Variants in CFAP57 observed in about 807,000 individuals in gnomAD.
The protein encoded by CFAP57 is cilia- and flagella-associated protein 57.
Under a neutral mutation model 146.8 loss-of-function variants are expected in CFAP57, and 116 were observed. That is an observed-to-expected ratio of 0.79 (90% CI 0.68 to 0.92). The LOEUF (loss-of-function observed/expected upper bound fraction) is 0.92, where lower values mean the gene tolerates loss of function less well. Among genes scored for constraint, CFAP57 ranks in the 40% least tolerant of loss-of-function variants. CFAP57 has a pLI of 0.00. For missense variants in CFAP57, 1,377 were observed against 1,527.2 expected, an observed-to-expected ratio of 0.90 and a Z score of 1.64; for synonymous variants, 518 against 552.8, an observed-to-expected ratio of 0.94 and a Z score of 0.88.
chr1:43,195,570 T>C (rs984993030), intron 6 of CFAP57, among the ~76,000 whole-genome samples: 1 of 150,486 alleles, frequency 6.6e-6, no homozygotes, highest in Non-Finnish European at 1.5e-5. Context: ...TTCACCATAG[T>C]GTTTGTAGCA....
chr1:43,197,149 C>A (rs1283171268), intron 6 of CFAP57, among the ~76,000 whole-genome samples: 1 of 151,824 alleles, frequency 6.6e-6, no homozygotes, highest in Admixed American at 6.6e-5. Flanking sequence ...GTCAGGAGAT[C>A]GAGACCATCC....
In CFAP57 at chr1:43,198,648, TAA is replaced by T. The variant is rs10711519; in HGVS notation, c.1428+11_1428+12del. 4 of 1,525,112 alleles carry T rather than the reference TAA, an allele frequency of 2.6e-6. No homozygotes were observed. Among genetic ancestry groups the T allele is most frequent in the Non-Finnish European group, 1.8e-6 (2 of 1,118,060 alleles). 94.5% of individuals were successfully genotyped at this position (1,525,112 alleles called of 1,614,324 possible). On this transcript the variant is annotated splice_donor_region_variant and intron_variant, in intron 8 of 22. Coordinates refer to ENST00000372492, the MANE Select transcript of CFAP57 (RefSeq NM_001378189.1). ...TACTCTGTTAGAGGATGCGGAGAGGTAAAAAAAAAACTGCTGAAGACAAAAGT... is the reference window on the plus strand; with the variant it reads ...TACTCTGTTAGAGGATGCGGAGAGGTAAAAAAAACTGCTGAAGACAAAAGT...
intron 11 of CFAP57, chr1:43,210,489 G>A: frequency 4.5e-6 from 4 of 893,990 alleles, no homozygotes; most frequent in Non-Finnish European, 4.1e-6. Context: ...ACAATACCCT[G>A]CCTAAAAAGG....
intron 11 of CFAP57, among the ~76,000 whole-genome samples, chr1:43,213,762 A>G (rs1190204156): frequency 6.6e-6 from 1 of 151,970 alleles, no homozygotes; most frequent in African/African-American, 2.4e-5. Flanking sequence ...TTGGGGTAAG[A>G]TGGTATCTCA....
chr1:43,235,467 G>A (rs1439688228), intron 21 of CFAP57, among the ~76,000 whole-genome samples: 1 of 152,168 alleles, frequency 6.6e-6, no homozygotes, highest in African/African-American at 2.4e-5. Flanking sequence ...TTAAAATACT[G>A]GAATGGGAAC....
chr1:43,184,848 C>A, intron 4 of CFAP57: 1 of 355,488 alleles, frequency 2.8e-6, no homozygotes, highest in Non-Finnish European at 5.4e-6. Context: ...GCTCTGGGGT[C>A]CAGGCCTCCC....
intron 21 of CFAP57, among the ~76,000 whole-genome samples, chr1:43,241,286 T>A (rs1645907281): frequency 6.6e-6 from 1 of 152,074 alleles, no homozygotes; most frequent in Non-Finnish European, 1.5e-5. Flanking sequence ...TGGGGATCAG[T>A]TTTCAACAGG....
At chr1:43,207,252 C>A (rs896210528) in intron 10 of CFAP57, among the ~76,000 whole-genome samples, 1 of 152,190 alleles carries the variant, frequency 6.6e-6, no homozygotes, top group Non-Finnish European at 1.5e-5. Flanking sequence ...GTACTCTTAC[C>A]CTTGGTCTGC....
chr1:43,224,598 C>A (rs1371894894), intron 17 of CFAP57, among the ~76,000 whole-genome samples: 1 of 152,218 alleles, frequency 6.6e-6, no homozygotes, highest in Non-Finnish European at 1.5e-5. Context: ...GCCGCACTGA[C>A]CACATGGTCC....
In CFAP57 at chr1:43,251,771, G is replaced by A. The variant is rs148641749; in HGVS notation, c.3539-2206G>A. ...CTCAAAATTAGGAGGATGAAAGGACGGGAATTTGCAGGGGCAGGGGAAGGT... is the reference window on the plus strand; with the variant it reads ...CTCAAAATTAGGAGGATGAAAGGACAGGAATTTGCAGGGGCAGGGGAAGGT... On this transcript the variant is annotated intron_variant, in intron 22 of 22. Coordinates refer to ENST00000372492, the MANE Select transcript of CFAP57 (RefSeq NM_001378189.1). Among the ~76,000 whole-genome samples, 10 of 152,322 alleles carry A rather than the reference G, an allele frequency of 6.6e-5. 1 individual carries two copies. The East Asian group carries it at 1.9e-3, about 29-fold the overall frequency.
At chr1:43,175,153 A>C (rs1208906917) in intron 2 of CFAP57, among the ~76,000 whole-genome samples, 3 of 152,120 alleles carry the variant, frequency 2.0e-5, no homozygotes, top group Non-Finnish European at 4.4e-5. Flanking sequence ...GAAATTAGCT[A>C]TCAGCATCGT....
Position 43,227,135 on chromosome 1 carries a change from CCATTTGCAA to C in CFAP57, c.3009+12_3009+20del. The C allele has an allele frequency of 6.6e-7, 1 of 1,522,052 alleles. No homozygotes were observed. Among genetic ancestry groups the C allele is most frequent in the East Asian group, 2.5e-5 (1 of 40,108 alleles). 94.3% of individuals were successfully genotyped at this position (1,522,052 alleles called of 1,614,324 possible). ...AGGAACAGATTCAGGAGGTAAGAAG[CCATTTGCAA>C]CACTCTGGCCTCTCAGACCCTCTGT... On this transcript the variant is annotated intron_variant, in intron 18 of 22. Transcript: ENST00000372492.
Position 43,199,423 on chromosome 1 carries a change from G to C in CFAP57, c.1462G>C (p.Ala488Pro). ...SFSNGGHLFA[A>P]VNGNVIHVYT... ...TAGCAATGGAGGTCACCTGTTTGCTGCAGTCAATGGAAATGTGATTCACGT... is the reference window on the plus strand; with the variant it reads ...TAGCAATGGAGGTCACCTGTTTGCTCCAGTCAATGGAAATGTGATTCACGT... Residue 488 changes from alanine to proline, a missense_variant, in exon 9 of 23, where the codon GCA (alanine) becomes CCA (proline). Coordinates refer to ENST00000372492, the MANE Select transcript of CFAP57 (RefSeq NM_001378189.1). The C allele has an allele frequency of 6.2e-7, 1 of 1,614,112 alleles. No homozygotes were observed. Among genetic ancestry groups the C allele is most frequent in the East Asian group, 2.2e-5 (1 of 44,880 alleles).
chr1:43,198,262 T>C (rs1643950507), intron 7 of CFAP57, among the ~76,000 whole-genome samples: 1 of 152,222 alleles, frequency 6.6e-6, no homozygotes, highest in African/African-American at 2.4e-5. Flanking sequence ...AGCTATGTCT[T>C]CAGCATCGCT....
intron 2 of CFAP57, among the ~76,000 whole-genome samples, chr1:43,173,312 AAGTCGCAAATAACCATTTGTATAGCATT>A (rs1464969921): frequency 6.6e-6 from 1 of 152,174 alleles, no homozygotes; most frequent in Non-Finnish European, 1.5e-5. Flanking sequence ...ACTTTATCCC[AAGTCGCAAATAACCATTTGTATAGCATT>A]ACAGCCCTTA....
chr1:43,196,692 C>T (rs1352356831), intron 6 of CFAP57, among the ~76,000 whole-genome samples: 1 of 152,220 alleles, frequency 6.6e-6, no homozygotes, highest in Non-Finnish European at 1.5e-5. Context: ...TGATGACAGA[C>T]ATCTGTAACC....
intron 2 of CFAP57, among the ~76,000 whole-genome samples, chr1:43,176,759 G>A (rs931147083): frequency 2.6e-5 from 4 of 152,192 alleles, no homozygotes; most frequent in East Asian, 3.9e-4. Context: ...AAGTGAAGCC[G>A]TTGGGGGAGT....
In CFAP57 at chr1:43,201,041, C is replaced by G. The variant is rs1644100271; in HGVS notation, c.1542+1538C>G. 6.6e-6 allele frequency among the ~76,000 whole-genome samples: 1 copy of G among 152,030 alleles called. No individual in the cohort carries two copies. The highest frequency in any genetic ancestry group is 6.6e-5 in the Admixed American group (1 of 15,254). ...GCAGAGAGAAGAAAGAGATGAAGTTCCATTTTGGCCATGTGATATTTGACG... is the reference window on the plus strand; with the variant it reads ...GCAGAGAGAAGAAAGAGATGAAGTTGCATTTTGGCCATGTGATATTTGACG... On this transcript the variant is annotated intron_variant, in intron 9 of 22. Transcript: ENST00000372492. This position sits in a 1 kb window ranked among gnomAD's most constrained non-coding sequence, Gnocchi z 4.4.
intron 6 of CFAP57, among the ~76,000 whole-genome samples, chr1:43,188,170 A>G (rs992556545): frequency 6.6e-6 from 1 of 152,124 alleles, no homozygotes; most frequent in South Asian, 2.1e-4. Flanking sequence ...TTATGGCCAA[A>G]TAATATTTAA....
Sources: gnomAD v4.1 joint callset for allele counts (sites outside exome capture counted in the v4.1 genomes callset) on GRCh38, gnomAD v4.1.1 for gene constraint, Gnocchi (gnomAD v3.1) non-coding constraint, MANE v1.5 for transcripts, NCBI Gene and HGNC (gene_info 2026-07-23, HGNC 2026-07-21) for gene names.